GDAP1: variants seen among roughly 807,000 people sequenced by gnomAD.
The protein encoded by GDAP1 is ganglioside-induced differentiation-associated protein 1.
A neutral mutation model predicts 40.1 loss-of-function variants in GDAP1; 34 were observed. The ratio of observed to expected loss-of-function variants is 0.85; its 90% CI spans 0.64 to 1.13. GDAP1 has a LOEUF of 1.13. Among genes scored for constraint, GDAP1 ranks in the 50% most tolerant of loss-of-function variants. GDAP1 has a pLI of 0.00. For missense variants in GDAP1, 374 were observed against 433.7 expected (o/e 0.86, Z 1.22); for synonymous variants, 170 against 157.4 (o/e 1.08, Z -0.60).
intron 2 of GDAP1, among the ~76,000 whole-genome samples, chr8:74,466,806 G>A (rs924279008): frequency 6.6e-6 from 1 of 152,224 alleles, no homozygotes; most frequent in African/African-American, 2.4e-5. Context: ...TCATCACTAT[G>A]TATTTGCAGG....
chr8:74,362,262 A>T (rs1435364979), intron 4 of GDAP1, among the ~76,000 whole-genome samples: 1 of 152,180 alleles, frequency 6.6e-6, no homozygotes, highest in Non-Finnish European at 1.5e-5. Context: ...CTGTCATTTC[A>T]GGTATTCCAC....
intron 2 of GDAP1, among the ~76,000 whole-genome samples, chr8:74,455,748 C>G (rs748094335): frequency 4.2e-4 from 64 of 151,894 alleles, no homozygotes; most frequent in African/African-American, 1.1e-3. Flanking sequence ...TTGGGTGTGC[C>G]AAGTGCTTGA....
intron 2 of GDAP1, among the ~76,000 whole-genome samples, chr8:74,468,901 T>C (rs1806508268): frequency 6.6e-6 from 1 of 152,188 alleles, no homozygotes. Context: ...AATTCCTCAG[T>C]TATGCATAAT....
intron 2 of GDAP1, among the ~76,000 whole-genome samples, chr8:74,464,877 A>C (rs141358080): frequency 1.1e-3 from 173 of 152,324 alleles, no homozygotes; most frequent in African/African-American, 3.9e-3. Context: ...TTAAGATATC[A>C]CCTTTTAAAT....
chr8:74,460,560 CT>C (rs1257785432), intron 2 of GDAP1, among the ~76,000 whole-genome samples: 33 of 152,158 alleles, frequency 2.2e-4, no homozygotes, highest in African/African-American at 7.2e-4. Context: ...GAAGCTTAAG[CT>C]TCCTTAGCTT....
At chr8:74,371,687 T>C (rs1000574723), downstream of GDAP1, among the ~76,000 whole-genome samples, 2 of 151,946 alleles carry the variant, frequency 1.3e-5, no homozygotes, top group African/African-American at 4.8e-5. Flanking sequence ...ATATTTTGAG[T>C]TGAATAATAA....
At chr8:74,362,874 C>T (rs1179952647) in intron 4 of GDAP1, 65 bp from the exon 5 acceptor site, 11 of 589,224 alleles carry the variant, frequency 1.9e-5, no homozygotes, top group Non-Finnish European at 3.5e-5. Context: ...ATCTGCTTTA[C>T]CTAGATTTAT....
At chr8:74,484,249 A>G (rs930286767) in intron 2 of GDAP1, among the ~76,000 whole-genome samples, 2 of 152,182 alleles carry the variant, frequency 1.3e-5, no homozygotes, top group Non-Finnish European at 2.9e-5. Flanking sequence ...ATTTCCTTCT[A>G]TACGTCATAC....
intron 2 of GDAP1, among the ~76,000 whole-genome samples, chr8:74,380,950 A>C (rs1330218054): frequency 3.3e-5 from 5 of 152,154 alleles, no homozygotes; most frequent in Admixed American, 3.3e-4. Flanking sequence ...AATCCTGTTT[A>C]ACTCTGTCCA....
intron 2 of GDAP1, among the ~76,000 whole-genome samples, chr8:74,381,623 G>A (rs1809954797): frequency 6.6e-6 from 1 of 152,034 alleles, no homozygotes; most frequent in Admixed American, 6.6e-5. Context: ...GGACGTGGTG[G>A]CAGGTGCCTG....
At chr8:74,449,604 A>G (rs1371807268) in intron 2 of GDAP1, among the ~76,000 whole-genome samples, 1 of 151,872 alleles carries the variant, frequency 6.6e-6, no homozygotes, top group Non-Finnish European at 1.5e-5. Context: ...TTATAAATGT[A>G]ATTGCTCACA....
At chr8:74,369,014 A>G (rs558231586), downstream of GDAP1, among the ~76,000 whole-genome samples, 4 of 152,326 alleles carry the variant, frequency 2.6e-5, no homozygotes, top group African/African-American at 7.2e-5. Flanking sequence ...CAAGATCTGC[A>G]AGGGAGACGT....
chr8:74,373,788 A>C (rs924470571), intron 2 of GDAP1, among the ~76,000 whole-genome samples: 1 of 152,138 alleles, frequency 6.6e-6, no homozygotes, highest in African/African-American at 2.4e-5. Flanking sequence ...AACTTCCAAC[A>C]CTATGTCGAA....
intron 2 of GDAP1, among the ~76,000 whole-genome samples, chr8:74,470,092 ACT>A (rs1015718715): frequency 1.3e-5 from 2 of 151,854 alleles, no homozygotes; most frequent in African/African-American, 4.8e-5. Context: ...TATTGATATT[ACT>A]CTGTTTAGGT....
At chr8:74,401,105 G>T (rs535392264) in intron 2 of GDAP1, among the ~76,000 whole-genome samples, 2 of 149,234 alleles carry the variant, frequency 1.3e-5, no homozygotes, top group African/African-American at 5.2e-5. Context: ...GGCCTGCCTT[G>T]CTAGATTGGG....
At chr8:74,447,793 C>T (rs905369481) in intron 2 of GDAP1, among the ~76,000 whole-genome samples, 1 of 152,174 alleles carries the variant, frequency 6.6e-6, no homozygotes, top group African/African-American at 2.4e-5. Context: ...TGAATGCAAA[C>T]TCTGTTTCAT....
chr8:74,400,362 A>T (rs1337517240), intron 2 of GDAP1, among the ~76,000 whole-genome samples: 5 of 149,726 alleles, frequency 3.3e-5, no homozygotes, highest in Non-Finnish European at 7.4e-5. Context: ...ATCTGAGACT[A>T]GGATTGCAAC....
Position 74,364,304 on chromosome 8 carries a change from G to C in GDAP1, c.1014G>C (p.Met338Ile), listed in dbSNP as rs759748392. ...LLAGVGYFAF[M>I]LFRKRLGSMI... is the part of the protein sequence containing the mutation. ...CAGGAGTGGGATATTTTGCTTTTAT[G>C]CTTTTCAGAAAGAGGCTTGGCAGCA... is the stretch of plus-strand genomic sequence containing the variant. Residue 338 changes from methionine to isoleucine, a missense_variant, in exon 6 of 6, where the codon ATG becomes ATC. Coordinates refer to ENST00000220822, the MANE Select transcript of GDAP1 (RefSeq NM_018972.4). The C allele has an allele frequency of 5.6e-6, 9 of 1,614,068 alleles. No individual in the cohort carries two copies. Among genetic ancestry groups the C allele is most frequent in the Non-Finnish European group, 6.8e-6 (8 of 1,179,952 alleles).
intron 2 of GDAP1, among the ~76,000 whole-genome samples, chr8:74,354,361 C>G (rs1328813839): frequency 6.6e-6 from 1 of 152,060 alleles, no homozygotes; most frequent in Non-Finnish European, 1.5e-5. Flanking sequence ...ATTATTGAAA[C>G]AGATGTTAGC....
Sources: allele counts gnomAD v4.1 joint callset (sites outside exome capture counted in the v4.1 genomes callset), GRCh38; gene constraint gnomAD v4.1.1; transcripts MANE v1.5; gene names NCBI Gene and HGNC (gene_info 2026-07-23, HGNC 2026-07-21).